Variants in MX2 observed in about 807,000 individuals in gnomAD.
The protein encoded by MX2 is interferon-induced GTP-binding protein Mx2.
MX2 carries 51 observed loss-of-function variants against 74.0 expected under a neutral mutation model. The observed-to-expected ratio is 0.69, with a 90% CI of 0.55 to 0.87. MX2 has a LOEUF of 0.87. Ranked by LOEUF, MX2 falls within the 40% of genes least tolerant of loss-of-function variation. The pLI, the probability that MX2 is intolerant of heterozygous loss-of-function variation, is 0.00. For synonymous variants in MX2, 369 were observed against 339.3 expected, an observed-to-expected ratio of 1.09 and a Z score of -0.96; for missense variants, 832 against 908.7, an observed-to-expected ratio of 0.92 and a Z score of 1.09.
chr21:41,368,165 G>A lies in MX2; in HGVS notation c.-72+6110G>A, dbSNP rs2089284153. 6.6e-6 allele frequency among the ~76,000 whole-genome samples: 1 copy of A among 152,156 alleles called. No homozygotes were observed. Among genetic ancestry groups the A allele is most frequent in the Non-Finnish European group, 1.5e-5 (1 of 68,032 alleles). ...TGAAAGCAGAGGCCTGCACCCCTAA[G>A]CCTCTTAAGCCCCCCACTTTCATTC... is the stretch of plus-strand genomic sequence containing the variant. On this transcript the variant is annotated intron_variant, in intron 1 of 13. Transcript: ENST00000330714. This position sits in a 1 kb window ranked among gnomAD's most constrained non-coding sequence, Gnocchi z 4.6.
In MX2 at chr21:41,376,962, GAA is replaced by G; in HGVS notation, c.59_60del (p.Lys20IlefsTer82). On this transcript the variant is annotated frameshift_variant, in exon 2 of 14. Transcript: ENST00000330714. LOFTEE classifies it high-confidence loss of function. ...CGGAGGAGAAGTCAATTTTCTTCTC[GAA>G]AATACCTGAAAAAAGAAATGAATTC... 1 of 1,614,006 alleles carries G rather than the reference GAA, an allele frequency of 6.2e-7. No homozygotes were observed.
At chr21:41,389,125 ACGAT>A (rs2089621387) in intron 5 of MX2, among the ~76,000 whole-genome samples, 1 of 152,078 alleles carries the variant, frequency 6.6e-6, no homozygotes, top group African/African-American at 2.4e-5. Flanking sequence ...CAACTAAAGG[ACGAT>A]CAACGTTAAA....
At chr21:41,392,985 A>T (rs1601420820) in intron 6 of MX2, among the ~76,000 whole-genome samples, 1 of 152,004 alleles carries the variant, frequency 6.6e-6, no homozygotes, top group Non-Finnish European at 1.5e-5. Context: ...ACAGGCCTGT[A>T]ATCCCAGCTA....
chr21:41,395,680 A>G lies in MX2; in HGVS notation c.965A>G (p.Tyr322Cys), dbSNP rs770829537. Residue 322 changes from tyrosine to cysteine, a missense_variant, in exon 7 of 14, where the codon TAC (tyrosine) becomes TGC (cysteine). Tyr to Cys is a radical substitution (Grantham distance 194, BLOSUM62 -2). Transcript: ENST00000330714. ...CTCACGTACCCCCTCAAGAAGGGCT[A>G]CATGATTGTGAAGTGCCGGGGCCAG... ...RNLTYPLKKG[Y>C]MIVKCRGQQE... 2 of 1,614,240 alleles carry G rather than the reference A, an allele frequency of 1.2e-6. No homozygotes were observed. Among genetic ancestry groups the G allele is most frequent in the East Asian group, 4.5e-5 (2 of 44,886 alleles).
rs1187837085 is a variant in MX2, at chr21:41,382,689, A to T, written c.732+125A>T. On this transcript the variant is annotated intron_variant, in intron 5 of 13. Coordinates refer to ENST00000330714, the MANE Select transcript of MX2 (RefSeq NM_002463.2). ...GGATGAGGATGGAGTCTCAGGTAAG[A>T]CCTGCCCAGGTGGGGGCCTCATGCC... 3 of 1,299,326 alleles carry T rather than the reference A, an allele frequency of 2.3e-6. No individual in the cohort carries two copies. In the African/African-American group the frequency reaches 4.4e-5, roughly 19 times the overall value. The allele number at this position is 1,299,326 out of a possible 1,614,324, so 80.5% of individuals were successfully genotyped here.
chr21:41,382,493 C>G lies in MX2; in HGVS notation c.661C>G (p.Leu221Val). Residue 221 changes from leucine (L) to valine (V), a missense_variant, in exon 5 of 14, where the codon CTG (leucine) becomes GTG (valine). Transcript: ENST00000330714. Reference protein sequence around the residue: ...LEITSPEVPDLTIIDLPGITR... With the variant: ...LEITSPEVPDVTIIDLPGITR... ...GATCACCTCCCCTGAGGTTCCAGAC[C>G]TGACCATCATTGACCTTCCCGGCAT... is the stretch of plus-strand genomic sequence containing the variant. 6.2e-7 allele frequency: 1 copy of G among 1,614,242 alleles called. No homozygotes were observed. Among genetic ancestry groups the G allele is most frequent in the Non-Finnish European group, 8.5e-7 (1 of 1,180,054 alleles).
intron 1 of MX2, chr21:41,370,729 G>A (rs2089314338): frequency 6.6e-6 from 1 of 152,242 alleles, no homozygotes; most frequent in African/African-American, 2.4e-5. Context: ...TCATATAGGA[G>A]GCAGGATCAT....
chr21:41,377,293 A>G, intron 2 of MX2, 138 bp downstream of exon 2: 1 of 1,253,772 alleles, frequency 8.0e-7, no homozygotes, highest in South Asian at 1.4e-5. Flanking sequence ...TCTCCTGGTC[A>G]TGCCCAACAA....
chr21:41,403,130 C>T (rs1568950169), intron 11 of MX2, 137 bp from the exon 12 acceptor site: 1 of 666,648 alleles, frequency 1.5e-6, no homozygotes, highest in Non-Finnish European at 2.6e-6. Flanking sequence ...TCGCGGTTTG[C>T]AGGTCTAGGG....
intron 6 of MX2, among the ~76,000 whole-genome samples, chr21:41,393,506 C>T (rs998585267): frequency 2.0e-5 from 3 of 152,068 alleles, no homozygotes; most frequent in Admixed American, 2.0e-4. Flanking sequence ...CTTCCTGAAA[C>T]TCCCTCCTTC....
intron 3 of MX2, among the ~76,000 whole-genome samples, chr21:41,378,692 G>A (rs534467738): frequency 1.3e-5 from 2 of 152,258 alleles, no homozygotes; most frequent in East Asian, 3.9e-4. Context: ...TGATAAAGGC[G>A]GTACCCTCAG....
chr21:41,377,088 A>G lies in MX2; in HGVS notation c.182A>G (p.Lys61Arg). ...GAEKDAAFLA[K>R]DFNFLTLNNQ... ...GAGAAGGACGCTGCTTTCCTCGCCA[A>G]GGACTTCAACTTTCTCACTTTGAAC... The change falls in exon 2 of 14, where the codon AAG becomes AGG. Residue 61 changes from lysine (K) to arginine (R), a missense_variant. Physicochemically the swap from Lys to Arg is conservative, Grantham distance 26 (BLOSUM62 2). Coordinates refer to ENST00000330714, the MANE Select transcript of MX2 (RefSeq NM_002463.2). The G allele has an allele frequency of 6.2e-7, 1 of 1,614,202 alleles. No individual in the cohort carries two copies.
Position 41,402,529 on chromosome 21 carries a change from G to A in MX2, c.1573+401G>A, listed in dbSNP as rs1260590390. 8 of 179,092 alleles carry A rather than the reference G, an allele frequency of 4.5e-5. No individual in the cohort carries two copies. The highest frequency in any genetic ancestry group is 8.2e-5 in the Non-Finnish European group (7 of 85,334). 11.1% of individuals were successfully genotyped at this position (179,092 alleles called of 1,614,324 possible). A position where few individuals can be genotyped will look rare whatever the true frequency, so the allele number is the denominator to read the frequency against. On this transcript the variant is annotated intron_variant, in intron 11 of 13. Coordinates refer to ENST00000330714, the MANE Select transcript of MX2 (RefSeq NM_002463.2). The surrounding 1 kb of genome is among the most constrained non-coding windows in gnomAD (Gnocchi z 4.5). ...CACCAACACAGCCGCGTAAGGCAGC[G>A]GTCCCCAGTCTTTATGGCACCAGAG...
Position 41,380,158 on chromosome 21 carries a change from C to A in MX2, c.577+7C>A. The A allele has an allele frequency of 6.2e-7, 1 of 1,613,600 alleles. No individual in the cohort carries two copies. Among genetic ancestry groups the A allele is most frequent in the South Asian group, 1.1e-5 (1 of 91,038 alleles). On this transcript the variant is annotated splice_region_variant and intron_variant, in intron 4 of 13. Coordinates refer to ENST00000330714, the MANE Select transcript of MX2 (RefSeq NM_002463.2). This position sits in a 1 kb window ranked among gnomAD's most constrained non-coding sequence, Gnocchi z 4.3. ...GAGAAAGAGATACACAAAGGTGGGC[C>A]CACGTCATTCTGAGGTTCGGATCTG...
At chr21:41,375,544 T>G (rs2089389517) in intron 1 of MX2, among the ~76,000 whole-genome samples, 2 of 152,216 alleles carry the variant, frequency 1.3e-5, no homozygotes, top group African/African-American at 2.4e-5. Flanking sequence ...GCCTTGGCAT[T>G]CCCTGGCCTG....
At chr21:41,377,432 G>A (rs571114387) in intron 2 of MX2, among the ~76,000 whole-genome samples, 1 of 152,230 alleles carries the variant, frequency 6.6e-6, no homozygotes, top group African/African-American at 2.4e-5. Flanking sequence ...CACATTGCCA[G>A]CCCACCCACT....
At chr21:41,390,520 G>A (rs370758414) in intron 5 of MX2, 45 bp from the exon 6 acceptor site, 88 of 1,611,954 alleles carry the variant, frequency 5.5e-5, no homozygotes, top group Non-Finnish European at 7.3e-5. Flanking sequence ...TGAGTGACCA[G>A]AAGTGAGACG....
intron 1 of MX2, among the ~76,000 whole-genome samples, chr21:41,374,993 C>G (rs559272656): frequency 3.3e-5 from 5 of 152,352 alleles, no homozygotes; most frequent in Non-Finnish European, 7.3e-5. Flanking sequence ...CCCTCTTTTT[C>G]ACCAGTCACA....
At position 41,408,010 on chromosome 21, in the gene MX2, C is replaced by A; in HGVS notation, c.1925C>A (p.Ala642Asp). 1 of 1,614,164 alleles carries A rather than the reference C, an allele frequency of 6.2e-7. No individual in the cohort carries two copies. Among genetic ancestry groups the A allele is most frequent in the East Asian group, 2.2e-5 (1 of 44,882 alleles). ...AYFLETSKRL[A>D]NQIPFIIQYF... ...TTCCAGGAAACCAGCAAACGTCTCG[C>A]CAACCAGATCCCATTTATAATTCAG... The change falls in exon 14 of 14, where the codon GCC becomes GAC. Residue 642 changes from alanine to aspartate, a missense_variant. Ala to Asp is a moderately radical substitution (Grantham distance 126). Transcript: ENST00000330714.
Sources: allele counts gnomAD v4.1 joint callset (sites outside exome capture counted in the v4.1 genomes callset), GRCh38; gene constraint gnomAD v4.1.1; non-coding constraint Gnocchi (gnomAD v3.1); transcripts MANE v1.5; gene names NCBI Gene and HGNC (gene_info 2026-07-23, HGNC 2026-07-21).